NRXN3: variants seen among roughly 807,000 people sequenced by gnomAD.
The protein encoded by NRXN3 is neurexin III.
Under a neutral mutation model 137.6 loss-of-function variants are expected in NRXN3, and 32 were observed. The ratio of observed to expected loss-of-function variants is 0.23; its 90% CI spans 0.18 to 0.31. The LOEUF is 0.31. Ranked by LOEUF, NRXN3 falls within the 10% of genes least tolerant of loss-of-function variation. NRXN3 has a pLI of 1.00. For synonymous variants in NRXN3, 798 were observed against 784.5 expected (o/e 1.02, Z -0.29); for missense variants, 1,574 against 2,062.5 (o/e 0.76, Z 4.59).
intron 15 of NRXN3, among the ~76,000 whole-genome samples, chr14:79,166,016 T>G (rs1259978426): frequency 1.3e-5 from 2 of 151,986 alleles, no homozygotes; most frequent in Non-Finnish European, 2.9e-5. Context: ...AATGTTCTAT[T>G]TGCTCCAATA....
At chr14:78,204,234 A>G (rs1258789251) in intron 1 of NRXN3, among the ~76,000 whole-genome samples, 1 of 151,620 alleles carries the variant, frequency 6.6e-6, no homozygotes, top group Non-Finnish European at 1.5e-5. Flanking sequence ...CTGGCCTATT[A>G]GATAGGCCTA....
intron 15 of NRXN3, among the ~76,000 whole-genome samples, chr14:79,155,976 G>T (rs1486485988): frequency 6.6e-6 from 1 of 151,552 alleles, no homozygotes; most frequent in Admixed American, 6.6e-5. Flanking sequence ...CTAAATTTCT[G>T]GGAAGTTATA....
intron 15 of NRXN3, chr14:79,282,021 G>A (rs1453909994): frequency 6.6e-6 from 1 of 151,230 alleles, no homozygotes; most frequent in Non-Finnish European, 1.5e-5. Flanking sequence ...GGTTGGTGGA[G>A]GGGGATGGTG....
chr14:79,612,089 C>T (rs961494349), intron 16 of NRXN3, among the ~76,000 whole-genome samples: 1 of 152,112 alleles, frequency 6.6e-6, no homozygotes, highest in Non-Finnish European at 1.5e-5. Context: ...TCCACAGAAG[C>T]ATCAGAAATT....
intron 15 of NRXN3, among the ~76,000 whole-genome samples, chr14:79,451,202 C>T (rs776719727): frequency 2.6e-5 from 4 of 151,822 alleles, no homozygotes; most frequent in Non-Finnish European, 5.9e-5. Flanking sequence ...AGGATATCAC[C>T]ACTATTTCTG....
intron 4 of NRXN3, among the ~76,000 whole-genome samples, chr14:78,501,928 A>G (rs1341278225): frequency 1.3e-5 from 2 of 152,060 alleles, no homozygotes; most frequent in African/African-American, 4.8e-5. Flanking sequence ...TGGCCTAGAG[A>G]TCTTCTATGC....
intron 19 of NRXN3, among the ~76,000 whole-genome samples, chr14:79,724,817 G>A (rs139300721): frequency 1.3e-5 from 2 of 152,224 alleles, no homozygotes; most frequent in African/African-American, 4.8e-5. Context: ...CCTCATAAGT[G>A]TATTGGGGAC....
intron 19 of NRXN3, among the ~76,000 whole-genome samples, chr14:79,796,151 A>G (rs1256528680): frequency 6.6e-6 from 1 of 152,196 alleles, no homozygotes; most frequent in Non-Finnish European, 1.5e-5. Flanking sequence ...CCAGGCCTTT[A>G]TATGTATGTA....
At chr14:78,513,721 C>T (rs902434153) in intron 4 of NRXN3, among the ~76,000 whole-genome samples, 12 of 152,208 alleles carry the variant, frequency 7.9e-5, no homozygotes, top group Non-Finnish European at 1.0e-4. Flanking sequence ...TCTGTAACAT[C>T]AGCTCGTGAG....
chr14:78,443,420 A>G (rs1307712449), intron 4 of NRXN3, among the ~76,000 whole-genome samples: 1 of 152,162 alleles, frequency 6.6e-6, no homozygotes, highest in Non-Finnish European at 1.5e-5. Context: ...ACTGGCATAA[A>G]TCTGCCACCT....
At chr14:79,760,286 A>G (rs757823683) in intron 19 of NRXN3, among the ~76,000 whole-genome samples, 3 of 151,730 alleles carry the variant, frequency 2.0e-5, no homozygotes, top group Non-Finnish European at 2.9e-5. Flanking sequence ...ATCTTTAAAA[A>G]TGGAGTGGTA....
At chr14:78,269,846 C>G (rs1447449882) in intron 2 of NRXN3, among the ~76,000 whole-genome samples, 1 of 152,172 alleles carries the variant, frequency 6.6e-6, no homozygotes, top group African/African-American at 2.4e-5. Flanking sequence ...GGCCTAAACT[C>G]TGGGAAGTCG....
At chr14:79,521,072 T>G (rs1601588039) in intron 16 of NRXN3, among the ~76,000 whole-genome samples, 1 of 152,174 alleles carries the variant, frequency 6.6e-6, no homozygotes, top group Non-Finnish European at 1.5e-5. Flanking sequence ...GCAAGTCTCT[T>G]GTTCATAGCA....
chr14:78,683,369 A>G (rs879365688), intron 6 of NRXN3, among the ~76,000 whole-genome samples: 4 of 152,228 alleles, frequency 2.6e-5, no homozygotes, highest in Non-Finnish European at 5.9e-5. Context: ...ACACTCAGTC[A>G]TTCATCCGAA....
At chr14:78,648,345 C>T (rs2097707066) in intron 5 of NRXN3, among the ~76,000 whole-genome samples, 1 of 152,140 alleles carries the variant, frequency 6.6e-6, no homozygotes, top group Non-Finnish European at 1.5e-5. Flanking sequence ...ACCAGTCTTC[C>T]AGTCTTCCAG....
At chr14:79,455,002 G>A (rs2096239321) in intron 15 of NRXN3, among the ~76,000 whole-genome samples, 1 of 152,116 alleles carries the variant, frequency 6.6e-6, no homozygotes, top group Non-Finnish European at 1.5e-5. Flanking sequence ...TTTTTGTGTA[G>A]CATATTTATT....
intron 1 of NRXN3, among the ~76,000 whole-genome samples, chr14:78,185,829 G>A (rs1054020030): frequency 2.0e-5 from 3 of 152,188 alleles, no homozygotes; most frequent in African/African-American, 7.2e-5. Context: ...TCAAATATCT[G>A]TCTTTGGACC....
At chr14:79,628,053 A>C (rs2098300811) in intron 16 of NRXN3, among the ~76,000 whole-genome samples, 2 of 152,238 alleles carry the variant, frequency 1.3e-5, no homozygotes, top group Admixed American at 6.5e-5. Context: ...TCTATTAATA[A>C]AAAGATAAGT....
rs371413883 is a variant in NRXN3 at position 79,470,951 on chromosome 14, AGTGTGTGTGTGTGT to A, written c.3444+3582_3444+3595del. On this transcript the variant is annotated intron_variant, in intron 16 of 20. Transcript: ENST00000335750. Reference sequence around the variant, plus strand: ...GAGAGAGAGAGAGAAAGAGAGAGAGAGTGTGTGTGTGTGTGTGTGTGTGTGTGTGTGTGTGTGTG... The same window carrying A: ...GAGAGAGAGAGAGAAAGAGAGAGAGAGTGTGTGTGTGTGTGTGTGTGTGTG... 2.7e-3 allele frequency among the ~76,000 whole-genome samples: 316 copies of A among 116,508 alleles called. 1 individual carries two copies. The East Asian group carries it at 0.036, about 13-fold the overall frequency. 76.4% of individuals were successfully genotyped at this position (116,508 alleles called of 152,430 possible). A position where few individuals can be genotyped will look rare whatever the true frequency, so the allele number is the denominator to read the frequency against.
Sources: gnomAD v4.1 joint callset for allele counts (sites outside exome capture counted in the v4.1 genomes callset) on GRCh38, gnomAD v4.1.1 for gene constraint, MANE v1.5 for transcripts, NCBI Gene and HGNC (gene_info 2026-07-23, HGNC 2026-07-21) for gene names.